PPP1R12A: variants seen among roughly 807,000 people sequenced by gnomAD.
The protein encoded by PPP1R12A is myosin binding subunit.
Under a neutral mutation model 139.6 loss-of-function variants are expected in PPP1R12A, and 19 were observed. The observed-to-expected ratio is 0.14, with a 90% CI of 0.09 to 0.20. PPP1R12A has a LOEUF of 0.20. Ranked by LOEUF, PPP1R12A falls within the 10% of genes least tolerant of loss-of-function variation. The probability of loss-of-function intolerance (pLI) is 1.00; values close to 1 mark genes in which losing one functional copy is unlikely to be tolerated. For synonymous variants in PPP1R12A, 427 were observed against 420.6 expected (o/e 1.02, Z -0.19); for missense variants, 925 against 1,211.5 (o/e 0.76, Z 3.51).
chr12:79,840,440 A>T (rs1218149994), intron 3 of PPP1R12A, among the ~76,000 whole-genome samples: 2 of 152,104 alleles, frequency 1.3e-5, no homozygotes, highest in African/African-American at 4.8e-5. Context: ...ATCTTTACAT[A>T]TCCTAAGTTC....
intron 2 of PPP1R12A, among the ~76,000 whole-genome samples, chr12:79,857,438 G>T (rs1418896981): frequency 3.3e-5 from 5 of 151,486 alleles, no homozygotes; most frequent in East Asian, 1.9e-4. Context: ...GTTGTGGGGT[G>T]GGGGGAAGGG....
At chr12:79,796,320 A>G (rs1286516400) in intron 17 of PPP1R12A, among the ~76,000 whole-genome samples, 1 of 152,124 alleles carries the variant, frequency 6.6e-6, no homozygotes, top group East Asian at 1.9e-4. Flanking sequence ...TATATAGTTG[A>G]GAAAGAAATG....
intron 22 of PPP1R12A, among the ~76,000 whole-genome samples, chr12:79,785,408 CA>C (rs1870986467): frequency 6.6e-6 from 1 of 152,098 alleles, no homozygotes; most frequent in South Asian, 2.1e-4. Flanking sequence ...GTTCAACAAA[CA>C]GAATGAACTT....
intron 5 of PPP1R12A, 59 bp downstream of exon 5, chr12:79,828,261 T>C: frequency 7.1e-7 from 1 of 1,417,090 alleles, no homozygotes; most frequent in Non-Finnish European, 9.6e-7. Flanking sequence ...TTTCTAAATA[T>C]ACTTTCTAAA....
chr12:79,818,458 G>A (rs1460390427), intron 8 of PPP1R12A, among the ~76,000 whole-genome samples: 1 of 152,068 alleles, frequency 6.6e-6, no homozygotes, highest in Non-Finnish European at 1.5e-5. Flanking sequence ...GCCCAGGCTG[G>A]TCTTGAACTC....
At chr12:79,856,052 C>A (rs1174033912) in intron 2 of PPP1R12A, among the ~76,000 whole-genome samples, 1 of 152,134 alleles carries the variant, frequency 6.6e-6, no homozygotes, top group Non-Finnish European at 1.5e-5. Flanking sequence ...ATTCTATTCT[C>A]CAAATTTCTT....
chr12:79,814,534 G>A (rs1158046133), intron 9 of PPP1R12A, among the ~76,000 whole-genome samples: 1 of 139,572 alleles, frequency 7.2e-6, no homozygotes, highest in Admixed American at 7.4e-5. Context: ...AAAAATTTCA[G>A]GCCAGGCACG....
rs1173335338 is a variant in PPP1R12A at position 79,934,989 on chromosome 12, G to A, written c.-58C>T. ...AGGGGGGGAAGGGGGAGGCGGAGAG[G>A]GAAGAGAGGGGAGGCAGGGGGTGTG... On this transcript the variant is annotated 5_prime_UTR_variant, in exon 1 of 25. Coordinates refer to ENST00000450142, the MANE Select transcript of PPP1R12A (RefSeq NM_002480.3). The A allele has an allele frequency of 4.6e-6, 7 of 1,513,354 alleles. No homozygotes were observed. Among genetic ancestry groups the A allele is most frequent in the Non-Finnish European group, 6.2e-6 (7 of 1,127,428 alleles). The allele number at this position is 1,513,354 out of a possible 1,614,324, so 93.7% of individuals were successfully genotyped here.
chr12:79,930,149 G>C (rs571877126), intron 1 of PPP1R12A, among the ~76,000 whole-genome samples: 7 of 152,140 alleles, frequency 4.6e-5, no homozygotes, highest in Non-Finnish European at 1.0e-4. Context: ...CCCCAGAAAA[G>C]AGAATGTGAA....
At chr12:79,813,608 A>G (rs924752015) in intron 9 of PPP1R12A, among the ~76,000 whole-genome samples, 1 of 152,206 alleles carries the variant, frequency 6.6e-6, no homozygotes, top group Non-Finnish European at 1.5e-5. Context: ...AATCTGCTTT[A>G]GAGATCCCAA....
intron 1 of PPP1R12A, among the ~76,000 whole-genome samples, chr12:79,881,342 C>T (rs1883617712): frequency 6.6e-6 from 1 of 152,186 alleles, no homozygotes; most frequent in African/African-American, 2.4e-5. Context: ...AAAAGTGCTA[C>T]TCCAGTGAAC....
At chr12:79,920,898 G>A (rs1021279686) in intron 1 of PPP1R12A, among the ~76,000 whole-genome samples, 2 of 152,148 alleles carry the variant, frequency 1.3e-5, no homozygotes, top group African/African-American at 4.8e-5. Context: ...CTGGTATTCC[G>A]TTATAAGCAA....
chr12:79,862,729 T>C (rs930991466), intron 2 of PPP1R12A, among the ~76,000 whole-genome samples: 7 of 151,670 alleles, frequency 4.6e-5, no homozygotes, highest in Non-Finnish European at 8.8e-5. Flanking sequence ...TGATGGAAGA[T>C]CAAATTAATG....
chr12:79,800,323 T>G (rs1592633084), intron 14 of PPP1R12A, among the ~76,000 whole-genome samples: 1 of 152,174 alleles, frequency 6.6e-6, no homozygotes, highest in Non-Finnish European at 1.5e-5. Context: ...CTCCTCAGTG[T>G]GAAGACGAAG....
At chr12:79,783,295 CAAAAA>C (rs5799441) in intron 22 of PPP1R12A, among the ~76,000 whole-genome samples, 4 of 117,112 alleles carry the variant, frequency 3.4e-5, no homozygotes, top group African/African-American at 1.4e-4. Context: ...CCGTCTCTAC[CAAAAA>C]AAAAAAAAAA....
intron 14 of PPP1R12A, among the ~76,000 whole-genome samples, chr12:79,804,991 T>C (rs1271440030): frequency 6.6e-6 from 1 of 152,222 alleles, no homozygotes; most frequent in African/African-American, 2.4e-5. Flanking sequence ...GAGCAATCTT[T>C]TAAAAATATT....
chr12:79,855,457 T>C (rs1238180804), intron 2 of PPP1R12A, among the ~76,000 whole-genome samples: 2 of 152,202 alleles, frequency 1.3e-5, no homozygotes, highest in African/African-American at 4.8e-5. Context: ...CATGTATCTT[T>C]ATGGTACAAA....
chr12:79,834,892 CCTTA>C (rs1242128987), intron 3 of PPP1R12A, among the ~76,000 whole-genome samples: 1 of 152,146 alleles, frequency 6.6e-6, no homozygotes, highest in African/African-American at 2.4e-5. Flanking sequence ...TCTCCCTTTA[CCTTA>C]CTCTCACCCC....
chr12:79,796,495 G>A (rs1286250626), intron 17 of PPP1R12A, among the ~76,000 whole-genome samples: 1 of 152,120 alleles, frequency 6.6e-6, no homozygotes, highest in Non-Finnish European at 1.5e-5. Flanking sequence ...CTAGTAAACT[G>A]CTTCTAGAAA....
Sources: gnomAD v4.1 joint callset for allele counts (sites outside exome capture counted in the v4.1 genomes callset) on GRCh38, gnomAD v4.1.1 for gene constraint, MANE v1.5 for transcripts, NCBI Gene and HGNC (gene_info 2026-07-23, HGNC 2026-07-21) for gene names.